The following CD36 variants were observed in gnomAD, a reference collection of about 807,000 sequenced individuals.
CD36 encodes CD36 molecule (CD36 blood group).
A neutral mutation model predicts 55.2 loss-of-function variants in CD36; 119 were observed. That is an observed-to-expected ratio of 2.15 (90% CI 1.86 to 2.51). CD36 has a LOEUF of 2.51. Among genes scored for constraint, CD36 ranks in the 30% most tolerant of loss-of-function variants. The pLI is 0.00. For missense variants in CD36, 819 were observed against 555.5 expected (o/e 1.47, Z -4.77); for synonymous variants, 186 against 193.6 (o/e 0.96, Z 0.33).
At position 80,623,676 on chromosome 7, in the gene CD36, G is replaced by A. The variant is rs540861011; in HGVS notation, c.-184+21297G>A. 5.3e-4 allele frequency among the ~76,000 whole-genome samples: 81 copies of A among 152,294 alleles called. 1 individual carries two copies. The highest frequency in any genetic ancestry group is 6.5e-4 in the Non-Finnish European group (44 of 68,020). On this transcript the variant is annotated intron_variant, in intron 1 of 13. Transcript: ENST00000309881. ...CTGCCCAAGGTTGCCCTCATCTCCAGCTTTCCACAAACTGGAATATTCACT... is the reference window on the plus strand; with the variant it reads ...CTGCCCAAGGTTGCCCTCATCTCCAACTTTCCACAAACTGGAATATTCACT...
intron 1 of CD36, among the ~76,000 whole-genome samples, chr7:80,645,749 AC>A (rs1428222379): frequency 6.6e-6 from 1 of 152,168 alleles, no homozygotes; most frequent in Non-Finnish European, 1.5e-5. Flanking sequence ...CAAATGACAA[AC>A]TATATTGTAG....
At chr7:80,622,635 A>C (rs1363884657) in intron 1 of CD36, among the ~76,000 whole-genome samples, 2 of 152,240 alleles carry the variant, frequency 1.3e-5, no homozygotes, top group Non-Finnish European at 2.9e-5. Context: ...AGATGTCTGC[A>C]GTGAGAAAAT....
Position 80,633,533 on chromosome 7 carries a change from G to T in CD36, c.-183-12555G>T, listed in dbSNP as rs553074460. 5.9e-5 allele frequency among the ~76,000 whole-genome samples: 9 copies of T among 152,074 alleles called. No individual in the cohort carries two copies. The South Asian group carries it at 1.9e-3, about 32-fold the overall frequency. On this transcript the variant is annotated intron_variant, in intron 1 of 13. Coordinates refer to the CD36 transcript ENST00000309881. ...GGTGATATTAGAAATCTCCATTTCA[G>T]TCTCAGCATTTCACTAGCATTACAT...
At chr7:80,659,497 C>A (rs1796357970) in intron 4 of CD36, among the ~76,000 whole-genome samples, 1 of 152,106 alleles carries the variant, frequency 6.6e-6, no homozygotes, top group Admixed American at 6.6e-5. Context: ...AAAAAGTAAT[C>A]TTGAGAAAAG....
intron 1 of CD36, among the ~76,000 whole-genome samples, chr7:80,617,376 A>T (rs1041651881): frequency 6.6e-6 from 1 of 151,708 alleles, no homozygotes; most frequent in African/African-American, 2.4e-5. Flanking sequence ...CCCTGAACTT[A>T]AAAGTTAAAA....
At chr7:80,612,362 T>A (rs1181815513) in intron 1 of CD36, among the ~76,000 whole-genome samples, 1 of 152,206 alleles carries the variant, frequency 6.6e-6, no homozygotes, top group Non-Finnish European at 1.5e-5. Flanking sequence ...TTCTTTTCTT[T>A]GCACATATAC....
At chr7:80,631,938 T>A (rs985005567) in intron 1 of CD36, among the ~76,000 whole-genome samples, 1 of 151,958 alleles carries the variant, frequency 6.6e-6, no homozygotes, top group Non-Finnish European at 1.5e-5. Flanking sequence ...ATGTTCCCAC[T>A]GTTAATTCTA....
intron 9 of CD36, 126 bp downstream of exon 9, chr7:80,670,148 C>A: frequency 1.4e-6 from 1 of 695,340 alleles, no homozygotes. Context: ...GCAAAATGTT[C>A]TTCTGCATCT....
At chr7:80,619,557 G>T (rs1449278153) in intron 1 of CD36, among the ~76,000 whole-genome samples, 1 of 148,888 alleles carries the variant, frequency 6.7e-6, no homozygotes, top group Non-Finnish European at 1.5e-5. Flanking sequence ...TGAGGCAGGA[G>T]AATCGCTTGA....
At chr7:80,651,718 G>T (rs1429162006) in intron 3 of CD36, among the ~76,000 whole-genome samples, 1 of 151,960 alleles carries the variant, frequency 6.6e-6, no homozygotes, top group Non-Finnish European at 1.5e-5. Context: ...GACCAGCCTG[G>T]GCAACATGGC....
In CD36 at chr7:80,661,172, G is replaced by C. The variant is rs777589837; in HGVS notation, c.391G>C (p.Glu131Gln). The change falls in exon 5 of 15, where the codon GAG (glutamate) becomes CAG (glutamine). Residue 131 changes from glutamate (E) to glutamine (Q), a missense_variant. Coordinates refer to ENST00000447544, the MANE Select transcript of CD36 (RefSeq NM_001001548.3). ...CGAACCTTCACTATCAGTTGGAACA[G>C]AGGCTGACAACTTCACAGTTCTCAA... ...IFEPSLSVGT[E>Q]ADNFTVLNLA... is the part of the protein sequence containing the mutation. 46 of 1,613,958 alleles carry C rather than the reference G, an allele frequency of 2.9e-5. 1 individual carries two copies. The South Asian group carries it at 4.8e-4, about 17-fold the overall frequency.
intron 1 of CD36, among the ~76,000 whole-genome samples, chr7:80,611,233 A>T (rs1472845985): frequency 1.3e-5 from 2 of 152,120 alleles, no homozygotes; most frequent in East Asian, 3.9e-4. Context: ...CTTTCAGCAG[A>T]TGCTCTGCCC....
intron 7 of CD36, chr7:80,665,877 A>ATAAG (rs1407382879): frequency 6.5e-6 from 1 of 153,300 alleles, no homozygotes; most frequent in South Asian, 2.0e-4. Flanking sequence ...ACAGCAAAGT[A>ATAAG]TAAGTTAGTA....
chr7:80,602,838 T>C (rs951923114), intron 1 of CD36, among the ~76,000 whole-genome samples: 1 of 152,146 alleles, frequency 6.6e-6, no homozygotes, highest in South Asian at 2.1e-4. Context: ...GGAAAAAATA[T>C]GTATTTAAAA....
chr7:80,644,031 T>C (rs1282972838), intron 1 of CD36, among the ~76,000 whole-genome samples: 2 of 152,200 alleles, frequency 1.3e-5, no homozygotes, highest in East Asian at 3.8e-4. Context: ...CATTCTCTAG[T>C]TGGCGATTAC....
At chr7:80,646,029 C>T (rs938504612) in intron 1 of CD36, 59 bp from the exon 2 acceptor site, 2 of 129,894 alleles carry the variant, frequency 1.5e-5, no homozygotes, top group African/African-American at 5.8e-5. Context: ...AGAGAGTGTC[C>T]CAGTATAAAA....
At chr7:80,630,618 A>T (rs1794020824) in intron 1 of CD36, among the ~76,000 whole-genome samples, 1 of 151,986 alleles carries the variant, frequency 6.6e-6, no homozygotes. Flanking sequence ...TGTGGTTTCC[A>T]TGTTTTTATG....
intron 14 of CD36, 199 bp downstream of exon 14, chr7:80,674,346 AATG>A (rs1192032487): frequency 1.9e-6 from 1 of 532,586 alleles, no homozygotes; most frequent in Non-Finnish European, 3.3e-6. Flanking sequence ...TTCTGGGAGA[AATG>A]AGATAAAAGA....
At chr7:80,670,802 T>C in intron 9 of CD36, 175 bp from the exon 10 acceptor site, 1 of 605,204 alleles carries the variant, frequency 1.7e-6, no homozygotes, top group South Asian at 2.0e-5. Context: ...AGTTCATGCT[T>C]GGCTATTGAG....
Sources: gnomAD v4.1 joint callset for allele counts (sites outside exome capture counted in the v4.1 genomes callset) on GRCh38, gnomAD v4.1.1 for gene constraint, MANE v1.5 for transcripts, NCBI Gene and HGNC (gene_info 2026-07-23, HGNC 2026-07-21) for gene names.